DEFB135: variants seen among roughly 807,000 people sequenced by gnomAD.
The protein encoded by DEFB135 is defensin beta 135.
In DEFB135, 14 loss-of-function variants were observed where a neutral mutation model predicts 8.9. The ratio of observed to expected loss-of-function variants is 1.58; its 90% CI spans 1.04 to 2.47. The LOEUF (loss-of-function observed/expected upper bound fraction) is 2.47, where lower values mean the gene tolerates loss of function less well. DEFB135 is among the 30% of genes most tolerant of loss of function. DEFB135 has a pLI of 0.00. For missense variants in DEFB135, 135 were observed against 94.2 expected (o/e 1.43, Z -1.79); for synonymous variants, 51 against 34.5 (o/e 1.48, Z -1.67).
intron 1 of DEFB135, among the ~76,000 whole-genome samples, chr8:11,983,578 C>T (rs556072152): frequency 5.9e-5 from 9 of 152,156 alleles, no homozygotes; most frequent in East Asian, 3.9e-4. Flanking sequence ...TGCCTGCTAA[C>T]GGCCCTTGAC....
At chr8:11,983,270 G>A (rs1396616154) in intron 1 of DEFB135, among the ~76,000 whole-genome samples, 1 of 152,154 alleles carries the variant, frequency 6.6e-6, no homozygotes, top group Non-Finnish European at 1.5e-5. Flanking sequence ...GCGCATGCCT[G>A]TCCCAGCTAC....
At chr8:11,984,073 C>G (rs56152732) in intron 1 of DEFB135, among the ~76,000 whole-genome samples, 6,399 of 152,174 alleles carry the variant, frequency 0.042, 426 homozygotes, top group African/African-American at 0.14. Flanking sequence ...CTGCATGCCT[C>G]CTGGTATGGG....
At chr8:11,984,349 G>A (rs1025378122) in intron 1 of DEFB135, 72 bp from the exon 2 acceptor site, 2 of 1,217,766 alleles carry the variant, frequency 1.6e-6, no homozygotes, top group African/African-American at 1.5e-5. Flanking sequence ...ATGGTCTGAG[G>A]TCTAATTTTA....
At chr8:11,982,666 G>C (rs925406915) in intron 1 of DEFB135, among the ~76,000 whole-genome samples, 1 of 152,244 alleles carries the variant, frequency 6.6e-6, no homozygotes, top group Non-Finnish European at 1.5e-5. Flanking sequence ...ACTGGCAGAA[G>C]TAGGGCAGAG....
rs775214867 is a variant in DEFB135 at position 11,982,350 on chromosome 8, C to T, written c.30C>T (p.Leu10=). 22 of 1,614,106 alleles carry T rather than the reference C, an allele frequency of 1.4e-5. No homozygotes were observed. Among genetic ancestry groups the T allele is most frequent in the Middle Eastern group, 3.3e-4 (2 of 6,062 alleles). The part of the protein sequence containing the change: MATRSVLLA[L]VVLNLLFYVP... ...CCACAAGGAGCGTCCTCTTGGCCCT[C>T]GTGGTCCTTAACTTACTCTTCTATG... Residue 10 remains leucine (L), a synonymous_variant, in exon 1 of 2, where the codon CTC becomes CTT. Coordinates refer to ENST00000382208, the MANE Select transcript of DEFB135 (RefSeq NM_001033017.3).
chr8:11,983,810 A>G (rs1167426448), intron 1 of DEFB135, among the ~76,000 whole-genome samples: 1 of 152,032 alleles, frequency 6.6e-6, no homozygotes, highest in Non-Finnish European at 1.5e-5. Flanking sequence ...ATTACTAGCA[A>G]TAAATTTCCA....
rs368759037 is a variant in DEFB135, at chr8:11,982,393, G to C, written c.64+9G>C. The C allele has an allele frequency of 6.2e-7, 1 of 1,613,986 alleles. No homozygotes were observed. The highest frequency in any genetic ancestry group is 8.5e-7 in the Non-Finnish European group (1 of 1,180,008). ...CTTCTATGTTCCACCAGGTAAAATG[G>C]AGTCCCCACCTTGTAGAATTAGGAA... is the stretch of plus-strand genomic sequence containing the variant. On this transcript the variant is annotated intron_variant, in intron 1 of 1. Coordinates refer to ENST00000382208, the MANE Select transcript of DEFB135 (RefSeq NM_001033017.3).
chr8:11,982,456 G>T, intron 1 of DEFB135, 72 bp downstream of exon 1: 2 of 1,564,198 alleles, frequency 1.3e-6, no homozygotes, highest in South Asian at 1.1e-5. Flanking sequence ...CTACAAGAGT[G>T]AGAAAAAGGC....
chr8:11,984,296 G>T, intron 1 of DEFB135, 125 bp from the exon 2 acceptor site: 1 of 720,602 alleles, frequency 1.4e-6, no homozygotes, highest in African/African-American at 1.8e-5. Flanking sequence ...AATGTCTTGA[G>T]TATCTTTGAT....
rs1217307989 is a variant in DEFB135 at position 11,982,337 on chromosome 8, T to C, written c.17T>C (p.Val6Ala). ...CTGATTGGTATGGCCACAAGGAGCGTCCTCTTGGCCCTCGTGGTCCTTAAC... is the reference window on the plus strand; with the variant it reads ...CTGATTGGTATGGCCACAAGGAGCGCCCTCTTGGCCCTCGTGGTCCTTAAC... MATRS[V>A]LLALVVLNLL... The change falls in exon 1 of 2, where the codon GTC becomes GCC. Residue 6 changes from valine to alanine, a missense_variant. Transcript: ENST00000382208. 5 of 1,614,064 alleles carry C rather than the reference T, an allele frequency of 3.1e-6. No individual in the cohort carries two copies. In the Admixed American group the frequency reaches 6.7e-5, roughly 22 times the overall value.
chr8:11,982,471 C>A, intron 1 of DEFB135, 87 bp downstream of exon 1: 4 of 1,494,970 alleles, frequency 2.7e-6, no homozygotes, highest in Non-Finnish European at 2.8e-6. Flanking sequence ...AAAGGCAGGA[C>A]TTGGACAAAG....
rs1008732095 is a variant in DEFB135 at position 11,984,496 on chromosome 8, A to T, written c.140A>T (p.Lys47Ile). The T allele has an allele frequency of 6.3e-7, 1 of 1,584,344 alleles. No individual in the cohort carries two copies. Among genetic ancestry groups the T allele is most frequent in the Non-Finnish European group, 8.6e-7 (1 of 1,157,760 alleles). Reference protein sequence around the residue: ...CWRLQGTCRPKCLKNEQYRIL... With the variant: ...CWRLQGTCRPICLKNEQYRIL... ...CGACTGCAAGGTACTTGCCGGCCAA[A>T]ATGTCTAAAAAACGAACAATATCGT... Residue 47 changes from lysine to isoleucine, a missense_variant, in exon 2 of 2, where the codon AAA becomes ATA. Coordinates refer to ENST00000382208, the MANE Select transcript of DEFB135 (RefSeq NM_001033017.3).
In DEFB135 at chr8:11,984,490, G is replaced by A. The variant is rs765422287; in HGVS notation, c.134G>A (p.Arg45Gln). Residue 45 changes from arginine (R) to glutamine (Q), a missense_variant, in exon 2 of 2, where the codon CGG (arginine) becomes CAG (glutamine). Coordinates refer to ENST00000382208, the MANE Select transcript of DEFB135 (RefSeq NM_001033017.3). ...ASCWRLQGTC[R>Q]PKCLKNEQYR... ...TGTTGGCGACTGCAAGGTACTTGCC[G>A]GCCAAAATGTCTAAAAAACGAACAA... is the stretch of plus-strand genomic sequence containing the variant. 37 of 1,582,376 alleles carry A rather than the reference G, an allele frequency of 2.3e-5. No individual in the cohort carries two copies. The highest frequency in any genetic ancestry group is 1.7e-4 in the Middle Eastern group (1 of 5,962).
chr8:11,982,519 A>T, intron 1 of DEFB135, 135 bp downstream of exon 1: 1 of 884,018 alleles, frequency 1.1e-6, no homozygotes, highest in Non-Finnish European at 1.8e-6. Flanking sequence ...AGAGATGGAC[A>T]TGCTGGGCTG....
At chr8:11,984,269 G>A (rs927559856) in intron 1 of DEFB135, 152 bp from the exon 2 acceptor site, 1 of 534,754 alleles carries the variant, frequency 1.9e-6, no homozygotes, top group Non-Finnish European at 3.0e-6. Flanking sequence ...CAACTGAAAA[G>A]GGGCATCCAG....
Position 11,982,330 on chromosome 8 carries a change from A to G in DEFB135, c.10A>G (p.Arg4Gly), listed in dbSNP as rs371741237. MATRSVLLALVVLN... is the reference protein window; with the variant it reads MATGSVLLALVVLN... Reference sequence around the variant, plus strand: ...TTCTTTGCTGATTGGTATGGCCACAAGGAGCGTCCTCTTGGCCCTCGTGGT... The same window carrying G: ...TTCTTTGCTGATTGGTATGGCCACAGGGAGCGTCCTCTTGGCCCTCGTGGT... The change falls in exon 1 of 2, where the codon AGG (arginine) becomes GGG (glycine). Residue 4 changes from arginine (R) to glycine (G), a missense_variant. Arg to Gly is a moderately radical substitution (Grantham distance 125). Transcript: ENST00000382208. 1.7e-5 allele frequency: 27 copies of G among 1,614,182 alleles called. No homozygotes were observed. Among genetic ancestry groups the G allele is most frequent in the African/African-American group, 1.1e-4 (8 of 75,062 alleles).
At chr8:11,982,885 A>T (rs1046954251) in intron 1 of DEFB135, among the ~76,000 whole-genome samples, 3 of 152,210 alleles carry the variant, frequency 2.0e-5, no homozygotes. Context: ...ATGAGGTCCT[A>T]TGAAACATCA....
At chr8:11,983,522 C>G (rs766733395) in intron 1 of DEFB135, among the ~76,000 whole-genome samples, 5 of 152,154 alleles carry the variant, frequency 3.3e-5, no homozygotes, top group African/African-American at 4.8e-5. Context: ...ACTCCTTTGT[C>G]CCCAGAAAAG....
rs1296840955 is a variant in DEFB135, at chr8:11,982,685, T to A, written c.64+301T>A. 3.3e-5 allele frequency among the ~76,000 whole-genome samples: 5 copies of A among 152,334 alleles called. No homozygotes were observed. In the East Asian group the frequency reaches 9.6e-4, roughly 29 times the overall value. On this transcript the variant is annotated intron_variant, in intron 1 of 1. Coordinates refer to ENST00000382208, the MANE Select transcript of DEFB135 (RefSeq NM_001033017.3). ...GCAGAAGTAGGGCAGAGCAAAAAGA[T>A]GAGACTTTCAAAGAATAGCGAGGAC...
Sources: allele counts gnomAD v4.1 joint callset (sites outside exome capture counted in the v4.1 genomes callset), GRCh38; gene constraint gnomAD v4.1.1; transcripts MANE v1.5; gene names NCBI Gene and HGNC (gene_info 2026-07-23, HGNC 2026-07-21).